The following ING1 variants were observed in gnomAD, a reference collection of about 807,000 sequenced individuals.
The protein encoded by ING1 is inhibitor of growth family member 1, also known as inhibitor of growth protein 1.
ING1 carries 4 observed loss-of-function variants against 23.1 expected under a neutral mutation model. That is an observed-to-expected ratio of 0.17 (90% CI 0.09 to 0.40). The LOEUF (loss-of-function observed/expected upper bound fraction) is 0.40. Ranked by LOEUF, ING1 falls within the 10% of genes least tolerant of loss-of-function variation. ING1 has a pLI of 1.00. For synonymous variants in ING1, 179 were observed against 166.4 expected, an observed-to-expected ratio of 1.08 and a Z score of -0.58; for missense variants, 256 against 393.8, an observed-to-expected ratio of 0.65 and a Z score of 2.96.
intron 1 of ING1, among the ~76,000 whole-genome samples, chr13:110,714,495 A>G (rs2064083718): frequency 7.0e-6 from 1 of 143,828 alleles, no homozygotes; most frequent in South Asian, 2.3e-4. Flanking sequence ...AGGAGGAAGG[A>G]GGCGCGAGAG....
intron 1 of ING1, among the ~76,000 whole-genome samples, chr13:110,717,357 G>T (rs930238004): frequency 2.0e-5 from 3 of 152,178 alleles, no homozygotes; most frequent in Non-Finnish European, 4.4e-5. Flanking sequence ...TCTTTAGTTT[G>T]AGAATATACT....
upstream of ING1, chr13:110,713,037 G>A: frequency 1.4e-6 from 2 of 1,479,088 alleles, no homozygotes; most frequent in Non-Finnish European, 1.8e-6. Context: ...GTGCCAGTGC[G>A]CATGCGCCGC....
At chr13:110,712,930 G>T, upstream of ING1, 1 of 1,556,768 alleles carries the variant, frequency 6.4e-7, no homozygotes, top group Admixed American at 1.9e-5. Context: ...TGGCGCAGGC[G>T]CGGGAGCCGC....
In ING1 at chr13:110,713,880, G is replaced by C. The variant is rs1163171324; in HGVS notation, c.-270G>C. On this transcript the variant is annotated 5_prime_UTR_variant, in exon 1 of 2. Coordinates refer to ENST00000333219, the MANE Select transcript of ING1 (RefSeq NM_198219.3). ...ACGCGCGGCCCCCGGCGCCAGCCCC[G>C]CCGCCTGAGAGGGGGCCTGCGCCGC... 33 of 981,076 alleles carry C rather than the reference G, an allele frequency of 3.4e-5. No individual in the cohort carries two copies. The highest frequency in any genetic ancestry group is 4.0e-5 in the Non-Finnish European group (33 of 828,296). 60.8% of individuals were successfully genotyped at this position (981,076 alleles called of 1,614,324 possible).
In ING1 at chr13:110,713,869, G is replaced by A. The variant is rs1272492156; in HGVS notation, c.-281G>A. On this transcript the variant is annotated 5_prime_UTR_variant, in exon 1 of 2. Coordinates refer to ENST00000333219, the MANE Select transcript of ING1 (RefSeq NM_198219.3). ...TGCGCGCTCGTACGCGCGGCCCCCG[G>A]CGCCAGCCCCGCCGCCTGAGAGGGG... 131 of 981,518 alleles carry A rather than the reference G, an allele frequency of 1.3e-4. No homozygotes were observed. The highest frequency in any genetic ancestry group is 1.5e-4 in the Non-Finnish European group (123 of 828,356). 60.8% of individuals were successfully genotyped at this position (981,518 alleles called of 1,614,324 possible).
chr13:110,716,115 C>T lies in ING1; in HGVS notation c.136+1830C>T, dbSNP rs1025329345. On this transcript the variant is annotated intron_variant, in intron 1 of 1. Transcript: ENST00000333219. ...GCCCCGTGGGGTGACCCTGGGGCTCCGGACGGAAGGAAGGCAGGGGCTGAG... is the reference window on the plus strand; with the variant it reads ...GCCCCGTGGGGTGACCCTGGGGCTCTGGACGGAAGGAAGGCAGGGGCTGAG... 3.3e-6 allele frequency: 4 copies of T among 1,195,496 alleles called. No individual in the cohort carries two copies. In the African/African-American group the frequency reaches 4.7e-5, roughly 14 times the overall value. 74.1% of individuals were successfully genotyped at this position (1,195,496 alleles called of 1,614,324 possible). A position where few individuals can be genotyped will look rare whatever the true frequency, so the allele number is the denominator to read the frequency against.
chr13:110,715,282 CAA>C (rs370824976), intron 1 of ING1: 284 of 1,187,678 alleles, frequency 2.4e-4, no homozygotes, highest in South Asian at 1.1e-3. Flanking sequence ...TGGGTGGGGG[CAA>C]AAAAAAAAAT....
chr13:110,712,801 G>A (rs1447325018), upstream of ING1: 1 of 766,330 alleles, frequency 1.3e-6, no homozygotes, highest in Admixed American at 2.0e-5. Flanking sequence ...CGCCCCTCGG[G>A]CCTATCCACC....
chr13:110,718,268 A>G (rs9521911), intron 1 of ING1, among the ~76,000 whole-genome samples: 21,979 of 152,144 alleles, frequency 0.14, 2,129 homozygotes, highest in Non-Finnish European at 0.19. Context: ...AAATAATAAT[A>G]ATAGCCCATC....
intron 1 of ING1, chr13:110,715,542 T>G (rs1027725946): frequency 1.9e-6 from 3 of 1,614,066 alleles, no homozygotes; most frequent in Non-Finnish European, 1.7e-6. Context: ...TGGGTCTGTG[T>G]TTCCGCTGTC....
upstream of ING1, chr13:110,713,251 C>A: frequency 7.5e-7 from 1 of 1,337,842 alleles, no homozygotes; most frequent in Non-Finnish European, 9.6e-7. Context: ...CTCTGTGGGG[C>A]GGGGACGAAG....
intron 1 of ING1, chr13:110,716,112 C>T (rs993840224): frequency 8.0e-7 from 1 of 1,246,244 alleles, no homozygotes; most frequent in Non-Finnish European, 1.1e-6. Flanking sequence ...GACCCTGGGG[C>T]TCCGGACGGA....
intron 1 of ING1, chr13:110,715,089 G>A: frequency 9.5e-7 from 1 of 1,052,978 alleles, no homozygotes; most frequent in Non-Finnish European, 1.1e-6. Context: ...GTCGTTCTCT[G>A]CAGACCTGGC....
intron 1 of ING1, chr13:110,714,956 C>G (rs7330469): frequency 0.2 from 193,615 of 982,712 alleles, 20,390 homozygotes; most frequent in Non-Finnish European, 0.22. Context: ...CTCTGTGTGC[C>G]GTAGGGAAGG....
At position 110,719,533 on chromosome 13, in the gene ING1, C is replaced by T; in HGVS notation, c.441C>T (p.Ser147=). ...CAGCGCAGGCTGACAAGCCCAACAG[C>T]AAGCGCTCACGGCGGCAGCGCAACA... is the stretch of plus-strand genomic sequence containing the variant. ...EAAAQADKPN[S]KRSRRQRNNE... is the part of the protein sequence containing the mutation. The change falls in exon 2 of 2, where the codon AGC becomes AGT. Residue 147 remains serine, a synonymous_variant. Transcript: ENST00000333219. This position sits in a 1 kb window ranked among gnomAD's most constrained non-coding sequence, Gnocchi z 8.9. 6.2e-7 allele frequency: 1 copy of T among 1,610,874 alleles called. No homozygotes were observed. The highest frequency in any genetic ancestry group is 8.5e-7 in the Non-Finnish European group (1 of 1,178,794).
In ING1 at chr13:110,721,571, ATTT is replaced by A. The variant is rs775313148; in HGVS notation, c.*1658_*1660del. 3.4e-5 allele frequency: 3 copies of A among 89,112 alleles called. No individual in the cohort carries two copies. The highest frequency in any genetic ancestry group is 3.1e-4 in the East Asian group (1 of 3,184). The allele number at this position is 89,112 out of a possible 1,614,324, so 5.5% of individuals were successfully genotyped here. A position where few individuals can be genotyped will look rare whatever the true frequency, so the allele number is the denominator to read the frequency against. ...GCCACCGTGCCCGGCTGGAGTTTTCATTTTTTTTTTTTTTTTTTTTTCTGAGAT... is the reference window on the plus strand; with the variant it reads ...GCCACCGTGCCCGGCTGGAGTTTTCATTTTTTTTTTTTTTTTTTCTGAGAT... On this transcript the variant is annotated 3_prime_UTR_variant, in exon 2 of 2. Coordinates refer to ENST00000333219, the MANE Select transcript of ING1 (RefSeq NM_198219.3).
chr13:110,713,450 G>T, upstream of ING1: 1 of 992,472 alleles, frequency 1.0e-6, no homozygotes, highest in Non-Finnish European at 1.2e-6. Flanking sequence ...AGTAAAGTTT[G>T]CGCCTCGCCC....
At chr13:110,715,634 C>T in intron 1 of ING1, 2 of 1,613,820 alleles carry the variant, frequency 1.2e-6, no homozygotes, top group Non-Finnish European at 8.5e-7. Context: ...GGCCTCCAGC[C>T]TTGGATTGGT....
At position 110,721,617 on chromosome 13, in the gene ING1, C is replaced by T. The variant is rs2064172693; in HGVS notation, c.*1685C>T. ...TCTGAGATGGAGTCTCACTCTGTCT[C>T]CAGGCTAGAGTGCAGTGGCCCAGTC... On this transcript the variant is annotated 3_prime_UTR_variant, in exon 2 of 2. Transcript: ENST00000333219. 1.4e-5 allele frequency: 2 copies of T among 142,762 alleles called. No homozygotes were observed. The highest frequency in any genetic ancestry group is 1.4e-4 in the Admixed American group (2 of 13,894). The allele number at this position is 142,762 out of a possible 1,614,324, so 8.8% of individuals were successfully genotyped here. A position where few individuals can be genotyped will look rare whatever the true frequency, so the allele number is the denominator to read the frequency against.
Sources: allele counts gnomAD v4.1 joint callset (sites outside exome capture counted in the v4.1 genomes callset), GRCh38; gene constraint gnomAD v4.1.1; non-coding constraint Gnocchi (gnomAD v3.1); transcripts MANE v1.5; gene names NCBI Gene and HGNC (gene_info 2026-07-23, HGNC 2026-07-21).